The following KLF12 variants were observed in gnomAD, a reference collection of about 807,000 sequenced individuals.
The protein encoded by KLF12 is KLF transcription factor 12.
In KLF12, 9 loss-of-function variants were observed where a neutral mutation model predicts 37.8. The ratio of observed to expected loss-of-function variants is 0.24; its 90% CI spans 0.14 to 0.42. The LOEUF (loss-of-function observed/expected upper bound fraction) is 0.42, where lower values mean the gene tolerates loss of function less well. KLF12 is among the 10% of genes least tolerant of loss of function. The pLI is 1.00. For synonymous variants in KLF12, 208 were observed against 202.1 expected (o/e 1.03, Z -0.25); for missense variants, 411 against 516.0 (o/e 0.80, Z 1.97).
At chr13:73,833,331 A>G (rs1282928041) in intron 4 of KLF12, among the ~76,000 whole-genome samples, 2 of 152,224 alleles carry the variant, frequency 1.3e-5, no homozygotes, top group Non-Finnish European at 2.9e-5. Flanking sequence ...ATCTCCAGAA[A>G]CTACTAAAAC....
chr13:73,799,403 C>A (rs970381911), intron 5 of KLF12, among the ~76,000 whole-genome samples: 6 of 151,548 alleles, frequency 4.0e-5, no homozygotes, highest in Admixed American at 3.9e-4. Flanking sequence ...ACCCTGGAAC[C>A]TAAAATAAAA....
chr13:73,969,768 A>G (rs1006856714), intron 2 of KLF12, among the ~76,000 whole-genome samples: 10 of 152,214 alleles, frequency 6.6e-5, no homozygotes, highest in Non-Finnish European at 1.3e-4. Context: ...TAGTACTTTC[A>G]CAGCTCTCAC....
the KLF12 span, among the ~76,000 whole-genome samples, chr13:74,232,803 C>T: frequency 6.6e-6 from 1 of 151,986 alleles, no homozygotes; most frequent in Non-Finnish European, 1.5e-5. Flanking sequence ...TTGGGCCATC[C>T]CATGTAGGTT....
At chr13:73,864,544 T>G (rs990268783) in intron 3 of KLF12, among the ~76,000 whole-genome samples, 2 of 152,132 alleles carry the variant, frequency 1.3e-5, no homozygotes, top group African/African-American at 4.8e-5. Flanking sequence ...CTGATGCATA[T>G]TTATAAAAGA....
intron 6 of KLF12, among the ~76,000 whole-genome samples, chr13:73,743,190 C>T (rs111484531): frequency 0.012 from 1,875 of 152,292 alleles, 12 homozygotes; most frequent in South Asian, 0.035. Flanking sequence ...GTTTATTTAA[C>T]GGTAGATCCT....
At chr13:73,873,541 A>G (rs1171775199) in intron 3 of KLF12, among the ~76,000 whole-genome samples, 1 of 152,178 alleles carries the variant, frequency 6.6e-6, no homozygotes, top group African/African-American at 2.4e-5. Flanking sequence ...TTTATAATCA[A>G]AGCACTCAGA....
At chr13:74,148,456 T>C in the KLF12 span, among the ~76,000 whole-genome samples, 2 of 135,458 alleles carry the variant, frequency 1.5e-5, no homozygotes, top group Non-Finnish European at 3.1e-5. Context: ...TCCCATCTTC[T>C]CTGGAAACAA....
intron 3 of KLF12, among the ~76,000 whole-genome samples, chr13:73,898,859 G>A (rs954150544): frequency 2.6e-5 from 4 of 152,232 alleles, no homozygotes; most frequent in African/African-American, 9.6e-5. Context: ...ATGGACGGGT[G>A]AGGACACAGC....
chr13:74,078,145 A>G (rs1180638718), intron 1 of KLF12, among the ~76,000 whole-genome samples: 1 of 152,210 alleles, frequency 6.6e-6, no homozygotes, highest in Non-Finnish European at 1.5e-5. Flanking sequence ...GGGGCATGGG[A>G]GTTCTGGAAC....
chr13:73,704,964 CAA>C (rs1566308117), intron 7 of KLF12, among the ~76,000 whole-genome samples: 2 of 152,088 alleles, frequency 1.3e-5, no homozygotes, highest in East Asian at 1.9e-4. Context: ...TTTTGTGAGA[CAA>C]AGAGAGTACA....
chr13:74,098,973 A>T (rs1876145176), intron 1 of KLF12, among the ~76,000 whole-genome samples: 1 of 152,138 alleles, frequency 6.6e-6, no homozygotes, highest in Admixed American at 6.5e-5. Context: ...TTACTTTTGT[A>T]AGGTTAGAAG....
chr13:73,900,664 A>T (rs1887996783), intron 3 of KLF12, among the ~76,000 whole-genome samples: 1 of 152,166 alleles, frequency 6.6e-6, no homozygotes, highest in Non-Finnish European at 1.5e-5. Flanking sequence ...TAGTAAAAAA[A>T]TTGTTTCTCC....
chr13:74,256,942 C>T, the KLF12 span: 4 of 152,024 alleles, frequency 2.6e-5, no homozygotes, highest in South Asian at 2.1e-4. Context: ...GTTGTTATTC[C>T]GTGACATCTT....
the KLF12 span, among the ~76,000 whole-genome samples, chr13:74,298,594 G>C: frequency 6.6e-6 from 1 of 152,168 alleles, no homozygotes; most frequent in African/African-American, 2.4e-5. Context: ...GAAAAAAGAA[G>C]AGAGGCTAAA....
chr13:74,029,778 T>A (rs17291799), intron 1 of KLF12, among the ~76,000 whole-genome samples: 1 of 151,976 alleles, frequency 6.6e-6, no homozygotes, highest in Non-Finnish European at 1.5e-5. Context: ...CTAAATCAAA[T>A]GTTTGGTTCC....
intron 1 of KLF12, among the ~76,000 whole-genome samples, chr13:74,076,308 T>G (rs893280079): frequency 6.6e-6 from 1 of 152,212 alleles, no homozygotes; most frequent in Non-Finnish European, 1.5e-5. Flanking sequence ...AAAAACAAAA[T>G]AACCTAGGTA....
intron 6 of KLF12, among the ~76,000 whole-genome samples, chr13:73,747,117 T>TTTTC: frequency 6.6e-6 from 1 of 152,212 alleles, no homozygotes. Context: ...ACTCCTGGCA[T>TTTTC]TTTCTTTCTT....
intron 5 of KLF12, among the ~76,000 whole-genome samples, chr13:73,812,655 C>T (rs900230748): frequency 1.3e-4 from 19 of 151,730 alleles, no homozygotes; most frequent in African/African-American, 2.9e-4. Context: ...TCTAACCCTG[C>T]GGTCCAGGTA....
At chr13:74,180,657 G>A in the KLF12 span, among the ~76,000 whole-genome samples, 1 of 152,144 alleles carries the variant, frequency 6.6e-6, no homozygotes, top group Non-Finnish European at 1.5e-5. Flanking sequence ...TACCAACTCA[G>A]CACACTTAGG....
Sources: allele counts gnomAD v4.1 joint callset (sites outside exome capture counted in the v4.1 genomes callset), GRCh38; gene constraint gnomAD v4.1.1; transcripts MANE v1.5; gene names NCBI Gene and HGNC (gene_info 2026-07-23, HGNC 2026-07-21).